Variants in CSMD3 observed in about 807,000 individuals in gnomAD.
CSMD3 encodes CUB and Sushi multiple domains 3.
In CSMD3, 177 loss-of-function variants were observed where a neutral mutation model predicts 435.2. That is an observed-to-expected ratio of 0.41 (90% CI 0.36 to 0.46). The LOEUF (loss-of-function observed/expected upper bound fraction) is 0.46. Among genes scored for constraint, CSMD3 ranks in the 20% least tolerant of loss-of-function variants. CSMD3 has a pLI of 0.34. For missense variants in CSMD3, 4,265 were observed against 4,504.6 expected (o/e 0.95, Z 1.52); for synonymous variants, 1,656 against 1,520.5 (o/e 1.09, Z -2.07).
intron 13 of CSMD3, among the ~76,000 whole-genome samples, chr8:112,724,211 G>C (rs2076919116): frequency 6.6e-6 from 1 of 151,792 alleles, no homozygotes; most frequent in African/African-American, 2.4e-5. Flanking sequence ...AAGTTGAAGG[G>C]GTTAGCCATG....
chr8:113,434,032 G>A (rs1437442267), intron 1 of CSMD3, among the ~76,000 whole-genome samples: 1 of 152,190 alleles, frequency 6.6e-6, no homozygotes, highest in Non-Finnish European at 1.5e-5. Context: ...AGGAAAGGTT[G>A]TTTTCCTTTT....
rs1472644639 is a variant in CSMD3, at chr8:113,223,427, G to A, written c.515-49511C>T. ...TTCCTAGTTTCTTTATTTGTAACAT[G>A]AGTATGGCATTAGTACCTGCTCAGT... On this transcript the variant is annotated intron_variant, in intron 3 of 70. Coordinates refer to ENST00000297405, the MANE Select transcript of CSMD3 (RefSeq NM_198123.2). Among the ~76,000 whole-genome samples the A allele has an allele frequency of 2.7e-5, 4 of 150,460 alleles. No individual in the cohort carries two copies. In the East Asian group the frequency reaches 7.8e-4, roughly 29 times the overall value.
intron 10 of CSMD3, among the ~76,000 whole-genome samples, chr8:112,910,273 C>A (rs2082371393): frequency 6.6e-6 from 1 of 151,682 alleles, no homozygotes; most frequent in Non-Finnish European, 1.5e-5. Context: ...AGGATAAGAT[C>A]CTGTTTCTCA....
chr8:112,596,415 T>C (rs1328336956), intron 22 of CSMD3, among the ~76,000 whole-genome samples: 2 of 152,008 alleles, frequency 1.3e-5, no homozygotes, highest in South Asian at 2.1e-4. Flanking sequence ...ACATTAATAA[T>C]GGGAGACTTT....
At chr8:112,823,582 A>G (rs2079588245) in intron 12 of CSMD3, among the ~76,000 whole-genome samples, 1 of 152,120 alleles carries the variant, frequency 6.6e-6, no homozygotes, top group Non-Finnish European at 1.5e-5. Context: ...TTATTTACCC[A>G]GGAGTCATTC....
chr8:112,922,120 T>G (rs1357862118), intron 9 of CSMD3, among the ~76,000 whole-genome samples: 1 of 152,098 alleles, frequency 6.6e-6, no homozygotes, highest in Admixed American at 6.6e-5. Flanking sequence ...TCTCTACATG[T>G]GTATGCATTT....
At chr8:112,852,081 G>A (rs184277726) in intron 11 of CSMD3, among the ~76,000 whole-genome samples, 1 of 152,246 alleles carries the variant, frequency 6.6e-6, no homozygotes, top group Non-Finnish European at 1.5e-5. Flanking sequence ...CCAGAAAGGA[G>A]GGTATGGATC....
chr8:112,897,785 G>A (rs1009668586), intron 10 of CSMD3, among the ~76,000 whole-genome samples: 4 of 149,474 alleles, frequency 2.7e-5, no homozygotes, highest in South Asian at 2.1e-4. Flanking sequence ...GGCATAAAGC[G>A]GGAGGAAAAA....
intron 17 of CSMD3, among the ~76,000 whole-genome samples, chr8:112,657,646 A>G (rs377264929): frequency 6.6e-6 from 1 of 152,206 alleles, no homozygotes; most frequent in East Asian, 1.9e-4. Context: ...TCCAAGATCT[A>G]AACTGTGGAA....
intron 1 of CSMD3, among the ~76,000 whole-genome samples, chr8:113,433,329 G>T (rs2094686469): frequency 6.6e-6 from 1 of 152,064 alleles, no homozygotes; most frequent in East Asian, 1.9e-4. Context: ...CGAGGACTGT[G>T]GGTGTCAGTC....
At chr8:112,338,051 T>A (rs1824744371) in intron 42 of CSMD3, among the ~76,000 whole-genome samples, 2 of 152,234 alleles carry the variant, frequency 1.3e-5, no homozygotes, top group African/African-American at 4.8e-5. Context: ...CAATGCATTC[T>A]GATTCTCTTC....
chr8:112,490,945 C>T (rs1274160199), intron 31 of CSMD3, among the ~76,000 whole-genome samples: 3 of 152,040 alleles, frequency 2.0e-5, no homozygotes, highest in East Asian at 3.9e-4. Flanking sequence ...TTCCTTTTGC[C>T]TTCTGATAGA....
At chr8:112,821,681 T>C (rs1041308778) in intron 12 of CSMD3, among the ~76,000 whole-genome samples, 1 of 152,204 alleles carries the variant, frequency 6.6e-6, no homozygotes, top group Non-Finnish European at 1.5e-5. Flanking sequence ...ATTTTGGCTT[T>C]TGTTGCAATT....
intron 1 of CSMD3, among the ~76,000 whole-genome samples, chr8:113,427,766 T>A (rs1466268976): frequency 6.6e-6 from 1 of 151,684 alleles, no homozygotes; most frequent in Non-Finnish European, 1.5e-5. Flanking sequence ...TCCTGCCTAG[T>A]AAACACTAGA....
Position 112,529,464 on chromosome 8 carries a change from G to A in CSMD3, c.4565-12239C>T, listed in dbSNP as rs146409548. On this transcript the variant is annotated intron_variant, in intron 27 of 70. Coordinates refer to ENST00000297405, the MANE Select transcript of CSMD3 (RefSeq NM_198123.2). The stretch of plus-strand genomic sequence containing the variant: ...TTAGCCAGCAGAGTGGTGCATGTCT[G>A]TAGTCTCAGCTACTCAGAAGGCTGA... Among the ~76,000 whole-genome samples the A allele has an allele frequency of 3.9e-3, 598 of 152,186 alleles. 1 individual carries two copies. The highest frequency in any genetic ancestry group is 0.014 in the African/African-American group (571 of 41,524).
intron 3 of CSMD3, among the ~76,000 whole-genome samples, chr8:113,205,510 G>A (rs1419383003): frequency 6.6e-6 from 1 of 152,144 alleles, no homozygotes; most frequent in Non-Finnish European, 1.5e-5. Flanking sequence ...GTGTGTAGTA[G>A]GCGATACCAT....
intron 3 of CSMD3, among the ~76,000 whole-genome samples, chr8:113,258,365 G>A (rs2093400793): frequency 6.6e-6 from 1 of 152,302 alleles, no homozygotes; most frequent in South Asian, 2.1e-4. Context: ...GAGACTGCCA[G>A]TTGTCTCCTA....
At chr8:113,008,115 G>C (rs2086125990) in intron 6 of CSMD3, among the ~76,000 whole-genome samples, 1 of 151,672 alleles carries the variant, frequency 6.6e-6, no homozygotes, top group Admixed American at 6.6e-5. Flanking sequence ...GCTTTCAAAG[G>C]AGTATTTTTT....
intron 32 of CSMD3, among the ~76,000 whole-genome samples, chr8:112,433,666 A>G (rs1230788988): frequency 6.6e-6 from 1 of 150,562 alleles, no homozygotes; most frequent in Non-Finnish European, 1.5e-5. Flanking sequence ...AAAAAAAAAA[A>G]AAAAAAGAAA....
Sources: allele counts gnomAD v4.1 joint callset (sites outside exome capture counted in the v4.1 genomes callset), GRCh38; gene constraint gnomAD v4.1.1; transcripts MANE v1.5; gene names NCBI Gene and HGNC (gene_info 2026-07-23, HGNC 2026-07-21).